The following DPP10 variants were observed in gnomAD, a reference collection of about 807,000 sequenced individuals.
DPP10 encodes dipeptidyl peptidase like 10.
In DPP10, 33 loss-of-function variants were observed where a neutral mutation model predicts 120.9. That is an observed-to-expected ratio of 0.27 (90% CI 0.21 to 0.37). The LOEUF (loss-of-function observed/expected upper bound fraction) is 0.37, where lower values mean the gene tolerates loss of function less well. Ranked by LOEUF, DPP10 falls within the 10% of genes least tolerant of loss-of-function variation. The probability of loss-of-function intolerance (pLI) is 1.00; values close to 1 mark genes in which losing one functional copy is unlikely to be tolerated. For synonymous variants in DPP10, 337 were observed against 326.1 expected, an observed-to-expected ratio of 1.03 and a Z score of -0.36; for missense variants, 816 against 942.8, an observed-to-expected ratio of 0.87 and a Z score of 1.76.
At chr2:115,460,021 A>G (rs1301552295) in intron 3 of DPP10, among the ~76,000 whole-genome samples, 1 of 151,054 alleles carries the variant, frequency 6.6e-6, no homozygotes, top group Non-Finnish European at 1.5e-5. Flanking sequence ...GTCCTCAAGG[A>G]TGTAAAAGTA....
At chr2:114,896,010 T>A (rs1346733570) in intron 1 of DPP10, among the ~76,000 whole-genome samples, 1 of 152,186 alleles carries the variant, frequency 6.6e-6, no homozygotes, top group Admixed American at 6.5e-5. Flanking sequence ...CCATTGCTTT[T>A]TTTTCTCAGG....
intron 4 of DPP10, among the ~76,000 whole-genome samples, chr2:115,505,504 T>G (rs1327812066): frequency 6.6e-6 from 1 of 152,134 alleles, no homozygotes; most frequent in Non-Finnish European, 1.5e-5. Flanking sequence ...GCAGCTAGAT[T>G]TATAACAACT....
chr2:115,681,517 A>G (rs1390216715), intron 5 of DPP10, among the ~76,000 whole-genome samples: 1 of 151,856 alleles, frequency 6.6e-6, no homozygotes, highest in African/African-American at 2.4e-5. Context: ...TGCAATTGAA[A>G]TAGATTTGAG....
intron 1 of DPP10, among the ~76,000 whole-genome samples, chr2:115,062,529 C>T (rs1425632466): frequency 6.6e-6 from 1 of 152,116 alleles, no homozygotes; most frequent in African/African-American, 2.4e-5. Context: ...TGCTTTCCTT[C>T]CCCCTGCACA....
At chr2:115,247,557 T>A (rs1333560196) in intron 1 of DPP10, among the ~76,000 whole-genome samples, 1 of 152,018 alleles carries the variant, frequency 6.6e-6, no homozygotes, top group Non-Finnish European at 1.5e-5. Context: ...GATAGAAGAA[T>A]GTATTAGGGT....
intron 5 of DPP10, among the ~76,000 whole-genome samples, chr2:115,539,145 A>G (rs981610531): frequency 3.9e-5 from 6 of 151,986 alleles, no homozygotes; most frequent in Non-Finnish European, 7.4e-5. Flanking sequence ...ACTCTAGCCA[A>G]TTAGAGGCTG....
chr2:114,814,957 G>A (rs1685502911), intron 1 of DPP10, among the ~76,000 whole-genome samples: 2 of 152,120 alleles, frequency 1.3e-5, no homozygotes, highest in South Asian at 4.1e-4. Flanking sequence ...AGAGGGGCCT[G>A]GCAGGAGTTT....
At chr2:115,336,551 C>T (rs1279500719) in intron 2 of DPP10, among the ~76,000 whole-genome samples, 1 of 147,314 alleles carries the variant, frequency 6.8e-6, no homozygotes, top group Non-Finnish European at 1.5e-5. Context: ...GACTTTCATA[C>T]ATGTGTACTC....
chr2:114,913,129 G>A (rs749953099), intron 1 of DPP10, among the ~76,000 whole-genome samples: 7 of 152,270 alleles, frequency 4.6e-5, no homozygotes, highest in South Asian at 2.1e-4. Context: ...GATGCTTACC[G>A]GCAGCCATCA....
At chr2:114,829,683 T>C (rs7587611) in intron 1 of DPP10, among the ~76,000 whole-genome samples, 1,773 of 151,490 alleles carry the variant, frequency 0.012, 40 homozygotes, top group African/African-American at 0.041. Flanking sequence ...GGCCGGACGT[T>C]TTTTTTTAAG....
intron 1 of DPP10, among the ~76,000 whole-genome samples, chr2:114,497,273 A>ATG (rs1491033282): frequency 5.0e-5 from 5 of 99,094 alleles, no homozygotes; most frequent in African/African-American, 1.9e-4. Flanking sequence ...ATACATGTAC[A>ATG]TGTATACGTG....
intron 3 of DPP10, among the ~76,000 whole-genome samples, chr2:115,413,024 G>A (rs369127653): frequency 1.4e-4 from 22 of 152,028 alleles, no homozygotes; most frequent in African/African-American, 5.3e-4. Context: ...TCCCTGTTCT[G>A]AGCTGTCTAA....
intron 1 of DPP10, among the ~76,000 whole-genome samples, chr2:115,240,189 C>G (rs1201832212): frequency 6.6e-6 from 1 of 152,206 alleles, no homozygotes; most frequent in Non-Finnish European, 1.5e-5. Flanking sequence ...GTGTCTTCCA[C>G]AGTTGTTGAA....
At chr2:115,762,118 A>G (rs1680184231) in intron 11 of DPP10, among the ~76,000 whole-genome samples, 1 of 152,206 alleles carries the variant, frequency 6.6e-6, no homozygotes, top group South Asian at 2.1e-4. Context: ...CTGATAAGAA[A>G]AAAAGAAGGC....
intron 1 of DPP10, among the ~76,000 whole-genome samples, chr2:114,817,635 G>A (rs1003945526): frequency 6.6e-5 from 10 of 152,184 alleles, no homozygotes; most frequent in African/African-American, 2.4e-4. Flanking sequence ...GGAAGTCAGA[G>A]GGTAAGAGAG....
At chr2:114,992,532 T>C (rs1024905768) in intron 1 of DPP10, among the ~76,000 whole-genome samples, 1 of 152,200 alleles carries the variant, frequency 6.6e-6, no homozygotes, top group Non-Finnish European at 1.5e-5. Context: ...TTTGGGGTTA[T>C]GTTAACTGAA....
chr2:115,734,231 G>A (rs1389971794), intron 8 of DPP10, among the ~76,000 whole-genome samples: 5 of 152,080 alleles, frequency 3.3e-5, no homozygotes, highest in Admixed American at 3.3e-4. Flanking sequence ...CTCAAATTTG[G>A]GTCAGGTTTA....
chr2:114,984,842 TATTCCA>T (rs985413708), intron 1 of DPP10, among the ~76,000 whole-genome samples: 4 of 152,122 alleles, frequency 2.6e-5, no homozygotes, highest in Non-Finnish European at 5.9e-5. Context: ...TCCTGCCCGC[TATTCCA>T]ATCTGTGGTC....
chr2:114,455,729 GTTT>G (rs35479026), intron 1 of DPP10, among the ~76,000 whole-genome samples: 1 of 144,660 alleles, frequency 6.9e-6, no homozygotes. Context: ...AAATTCATTT[GTTT>G]TTTTTTTTTT....
Sources: gnomAD v4.1 joint callset for allele counts (sites outside exome capture counted in the v4.1 genomes callset) on GRCh38, gnomAD v4.1.1 for gene constraint, MANE v1.5 for transcripts, NCBI Gene and HGNC (gene_info 2026-07-23, HGNC 2026-07-21) for gene names.